Variants in PTPRK observed in about 807,000 individuals in gnomAD.
PTPRK encodes receptor-type tyrosine-protein phosphatase kappa.
Under a neutral mutation model 178.0 loss-of-function variants are expected in PTPRK, and 75 were observed. That is an observed-to-expected ratio of 0.42 (90% CI 0.35 to 0.51). The LOEUF is 0.51. PTPRK is among the 20% of genes least tolerant of loss of function. PTPRK has a pLI of 0.02. For missense variants in PTPRK, 1,441 were observed against 1,797.8 expected, an observed-to-expected ratio of 0.80 and a Z score of 3.59; for synonymous variants, 637 against 620.6, an observed-to-expected ratio of 1.03 and a Z score of -0.39.
chr6:128,478,152 A>G lies in PTPRK; in HGVS notation c.100+42107T>C, dbSNP rs549718120. Among the ~76,000 whole-genome samples, 3 of 152,278 alleles carry G rather than the reference A, an allele frequency of 2.0e-5. No homozygotes were observed. The South Asian group carries it at 6.2e-4, about 32-fold the overall frequency. On this transcript the variant is annotated intron_variant, in intron 1 of 29. Transcript: ENST00000368226. ...TATCTACCATTCAGTGGGGAAAAAA[A>G]GCAGAACAAAGATCAAAGAGTTTAA...
At chr6:128,061,220 G>T (rs904753045) in intron 13 of PTPRK, among the ~76,000 whole-genome samples, 1 of 152,004 alleles carries the variant, frequency 6.6e-6, no homozygotes, top group African/African-American at 2.4e-5. Context: ...AAAATAAAGG[G>T]GATGTGAAAA....
At chr6:128,070,823 T>G (rs1281652447) in intron 11 of PTPRK, among the ~76,000 whole-genome samples, 1 of 151,690 alleles carries the variant, frequency 6.6e-6, no homozygotes, top group African/African-American at 2.4e-5. Context: ...ATTATCCTAT[T>G]TGAAACCACA....
At chr6:128,218,050 G>T (rs1472366464) in intron 6 of PTPRK, among the ~76,000 whole-genome samples, 1 of 152,038 alleles carries the variant, frequency 6.6e-6, no homozygotes, top group Non-Finnish European at 1.5e-5. Flanking sequence ...CCTTCTCAGA[G>T]TGGTAACCTT....
chr6:128,184,355 C>T (rs1394400801), intron 7 of PTPRK, 77 bp downstream of exon 7: 7 of 1,393,180 alleles, frequency 5.0e-6, no homozygotes, highest in Middle Eastern at 2.5e-4. Context: ...TAATGAGAAC[C>T]TTCAACACTG....
chr6:128,210,374 A>AT (rs1807895844), intron 6 of PTPRK, among the ~76,000 whole-genome samples: 1 of 150,328 alleles, frequency 6.7e-6, no homozygotes, highest in South Asian at 2.1e-4. Context: ...GGAGGAAAAA[A>AT]AAAAAACAGT....
chr6:128,400,550 T>TA (rs780224618), intron 1 of PTPRK, among the ~76,000 whole-genome samples: 105 of 152,128 alleles, frequency 6.9e-4, no homozygotes, highest in South Asian at 4.6e-3. Context: ...CAAGCCACAT[T>TA]AAAAAAATGG....
rs570653487 is a variant in PTPRK at position 128,120,542 on chromosome 6, A to T, written c.1163-30550T>A. On this transcript the variant is annotated intron_variant, in intron 7 of 29. Coordinates refer to ENST00000368226, the MANE Select transcript of PTPRK (RefSeq NM_002844.4). The stretch of plus-strand genomic sequence containing the variant: ...TTACCAAACTCATAAGCCAGAAACC[A>T]GGGAAGATTAAAAGTGTTTCCTTAT... Among the ~76,000 whole-genome samples, 7 of 152,140 alleles carry T rather than the reference A, an allele frequency of 4.6e-5. 1 individual carries two copies. The South Asian group carries it at 1.4e-3, about 31-fold the overall frequency.
chr6:128,231,030 C>T (rs1249513253), intron 5 of PTPRK, among the ~76,000 whole-genome samples: 1 of 152,114 alleles, frequency 6.6e-6, no homozygotes, highest in African/African-American at 2.4e-5. Flanking sequence ...TAGGAAGCCA[C>T]ATAAAATCAA....
rs76357073 is a variant in PTPRK at position 128,002,698 on chromosome 6, T to C, written c.2494+2386A>G. Among the ~76,000 whole-genome samples, 93 of 152,016 alleles carry C rather than the reference T, an allele frequency of 6.1e-4. 1 individual carries two copies. The East Asian group carries it at 0.017, about 27-fold the overall frequency. ...TAGAATGTCAAACCCCACATCAAGATTTTAGCAACTTTACCTACATTAAAA... is the reference window on the plus strand; with the variant it reads ...TAGAATGTCAAACCCCACATCAAGACTTTAGCAACTTTACCTACATTAAAA... On this transcript the variant is annotated intron_variant, in intron 15 of 29. Coordinates refer to ENST00000368226, the MANE Select transcript of PTPRK (RefSeq NM_002844.4).
Position 128,452,898 on chromosome 6 carries a change from C to A in PTPRK, c.101-55210G>T, listed in dbSNP as rs117807472. ...CCTATTAACTCTTCCTCTGCCCAGT[C>A]AGCATAATGTGATTAAGAATAAAGA... On this transcript the variant is annotated intron_variant, in intron 1 of 29. Coordinates refer to ENST00000368226, the MANE Select transcript of PTPRK (RefSeq NM_002844.4). Among the ~76,000 whole-genome samples the A allele has an allele frequency of 1.5e-4, 23 of 152,152 alleles. No individual in the cohort carries two copies. In the East Asian group the frequency reaches 4.4e-3, roughly 29 times the overall value.
intron 2 of PTPRK, among the ~76,000 whole-genome samples, chr6:128,347,969 CA>C (rs1832637345): frequency 6.6e-6 from 1 of 151,772 alleles, no homozygotes; most frequent in Non-Finnish European, 1.5e-5. Context: ...ATCAGAAATA[CA>C]ATACCTATGG....
At chr6:128,116,265 T>C (rs1562612265) in intron 7 of PTPRK, among the ~76,000 whole-genome samples, 1 of 152,170 alleles carries the variant, frequency 6.6e-6, no homozygotes, top group Non-Finnish European at 1.5e-5. Context: ...TTTTCTATGC[T>C]TCTTATCTTT....
At chr6:128,135,063 AAATT>A (rs1212554583) in intron 7 of PTPRK, among the ~76,000 whole-genome samples, 1 of 144,934 alleles carries the variant, frequency 6.9e-6, no homozygotes, top group Non-Finnish European at 1.5e-5. Context: ...AACCAATTTA[AAATT>A]AATCATTCAA....
In PTPRK at chr6:128,260,190, T is replaced by A. The variant is rs201521757; in HGVS notation, c.496-17588A>T. On this transcript the variant is annotated intron_variant, in intron 3 of 29. Transcript: ENST00000368226. ...TGGCTTCCTAAAATATATTTTTTTT[T>A]ATTCTATTTTTTAAAAGATTGGATT... Among the ~76,000 whole-genome samples, 20 of 152,230 alleles carry A rather than the reference T, an allele frequency of 1.3e-4. No homozygotes were observed. The East Asian group carries it at 2.5e-3, about 19-fold the overall frequency.
At chr6:128,101,732 T>A (rs1200196502) in intron 7 of PTPRK, among the ~76,000 whole-genome samples, 1 of 152,158 alleles carries the variant, frequency 6.6e-6, no homozygotes, top group Non-Finnish European at 1.5e-5. Context: ...TGCCACTTTA[T>A]CTCATGTATT....
At chr6:128,497,915 A>C (rs376697310) in intron 1 of PTPRK, among the ~76,000 whole-genome samples, 3 of 152,270 alleles carry the variant, frequency 2.0e-5, no homozygotes, top group African/African-American at 7.2e-5. Flanking sequence ...TGTTGTGTAT[A>C]TTACGAAGTA....
At chr6:128,133,087 G>C (rs1209384492) in intron 7 of PTPRK, among the ~76,000 whole-genome samples, 2 of 151,990 alleles carry the variant, frequency 1.3e-5, no homozygotes, top group African/African-American at 2.4e-5. Flanking sequence ...TTCTGCTCAG[G>C]GTATTTATAC....
intron 7 of PTPRK, among the ~76,000 whole-genome samples, chr6:128,159,956 T>C (rs556957603): frequency 1.5e-3 from 233 of 151,830 alleles, no homozygotes; most frequent in Non-Finnish European, 2.6e-3. Flanking sequence ...TTTACTTACA[T>C]CCTGAGGTTT....
intron 1 of PTPRK, among the ~76,000 whole-genome samples, chr6:128,475,678 G>T (rs941907373): frequency 6.6e-6 from 1 of 152,016 alleles, no homozygotes; most frequent in Non-Finnish European, 1.5e-5. Flanking sequence ...TAATACAATT[G>T]CTTTTAAGTA....
Sources: gnomAD v4.1 joint callset for allele counts (sites outside exome capture counted in the v4.1 genomes callset) on GRCh38, gnomAD v4.1.1 for gene constraint, MANE v1.5 for transcripts, NCBI Gene and HGNC (gene_info 2026-07-23, HGNC 2026-07-21) for gene names.